Variants in GPR149 observed in about 807,000 individuals in gnomAD.
GPR149 encodes probable G protein-coupled receptor 149.
Under a neutral mutation model 50.2 loss-of-function variants are expected in GPR149, and 50 were observed. The ratio of observed to expected loss-of-function variants is 1.00; its 90% CI spans 0.79 to 1.26. The LOEUF is 1.26. GPR149 is among the 50% of genes most tolerant of loss of function. The pLI is 0.00. For missense variants in GPR149, 983 were observed against 895.4 expected (o/e 1.10, Z -1.25); for synonymous variants, 405 against 358.2 (o/e 1.13, Z -1.48).
At chr3:154,420,049 A>C (rs572793226) in intron 3 of GPR149, among the ~76,000 whole-genome samples, 4 of 152,148 alleles carry the variant, frequency 2.6e-5, no homozygotes, top group African/African-American at 9.6e-5. Context: ...AGTTTTATTT[A>C]ATCAATGAGA....
intron 3 of GPR149, among the ~76,000 whole-genome samples, chr3:154,345,350 ATAT>A (rs1713902519): frequency 6.6e-6 from 1 of 152,234 alleles, no homozygotes; most frequent in Non-Finnish European, 1.5e-5. Flanking sequence ...TGAAAATAAA[ATAT>A]TATGGCACTG....
At chr3:154,349,207 A>G (rs1714007630) in intron 3 of GPR149, among the ~76,000 whole-genome samples, 1 of 152,208 alleles carries the variant, frequency 6.6e-6, no homozygotes, top group African/African-American at 2.4e-5. Context: ...TAATCTGGAA[A>G]AAGAAGAGCA....
chr3:154,373,309 C>T (rs1252791144), intron 3 of GPR149, among the ~76,000 whole-genome samples: 1 of 152,068 alleles, frequency 6.6e-6, no homozygotes, highest in Non-Finnish European at 1.5e-5. Flanking sequence ...GCTCATTGAT[C>T]CCTGGAAGAG....
Position 154,337,893 on chromosome 3 carries a change from C to T in GPR149, c.2002G>A (p.Glu668Lys). The T allele has an allele frequency of 6.2e-7, 1 of 1,613,142 alleles. No individual in the cohort carries two copies. The highest frequency in any genetic ancestry group is 8.5e-7 in the Non-Finnish European group (1 of 1,179,578). The change falls in exon 4 of 4, where the codon GAA (glutamate) becomes AAA (lysine). Residue 668 changes from glutamate (E) to lysine (K), a missense_variant. Transcript: ENST00000389740. Reference sequence around the variant, plus strand: ...AAAAAGAGGGAGTATGAGGCTGTTTCCCCTAGGTCACATGAAACAAATCTG... The same window carrying T: ...AAAAAGAGGGAGTATGAGGCTGTTTTCCCTAGGTCACATGAAACAAATCTG... ...ENRFVSCDLG[E>K]TASYSLFLPT...
At chr3:154,384,853 C>T (rs1032124423) in intron 3 of GPR149, among the ~76,000 whole-genome samples, 2 of 152,172 alleles carry the variant, frequency 1.3e-5, no homozygotes, top group Admixed American at 1.3e-4. Context: ...CTGTTTTTGG[C>T]TATGGCACAA....
intron 3 of GPR149, among the ~76,000 whole-genome samples, chr3:154,396,601 T>C (rs1715299323): frequency 6.6e-6 from 1 of 152,008 alleles, no homozygotes; most frequent in Non-Finnish European, 1.5e-5. Context: ...TAAATTATAA[T>C]ATATCTAAAT....
At chr3:154,399,140 AT>A (rs60274074) in intron 3 of GPR149, among the ~76,000 whole-genome samples, 7,802 of 151,402 alleles carry the variant, frequency 0.052, 658 homozygotes, top group African/African-American at 0.17. Context: ...TGGTATTAGT[AT>A]TTTTTTTTAA....
At chr3:154,394,677 T>C (rs967609555) in intron 3 of GPR149, among the ~76,000 whole-genome samples, 2 of 152,082 alleles carry the variant, frequency 1.3e-5, no homozygotes, top group South Asian at 2.1e-4. Flanking sequence ...ACAGGTTAAT[T>C]TTCAGAATAT....
Position 154,421,259 on chromosome 3 carries a change from C to G in GPR149, c.1403G>C (p.Arg468Thr). ...AGTATTTGTGCATTTGTTGATGCCT[C>G]TTTGTGTGGAGCTGTCCAGAGAGGG... is the stretch of plus-strand genomic sequence containing the variant. Reference protein sequence around the residue: ...TTPSLDSSTQRGINKCTNTDI... With the variant: ...TTPSLDSSTQTGINKCTNTDI... Residue 468 changes from arginine to threonine, a missense_variant, in exon 3 of 4, where the codon AGA becomes ACA. Transcript: ENST00000389740. 6.2e-7 allele frequency: 1 copy of G among 1,613,358 alleles called. No individual in the cohort carries two copies. The highest frequency in any genetic ancestry group is 8.5e-7 in the Non-Finnish European group (1 of 1,179,534).
intron 3 of GPR149, among the ~76,000 whole-genome samples, chr3:154,408,678 G>T (rs1473314454): frequency 1.3e-5 from 2 of 152,178 alleles, no homozygotes; most frequent in Non-Finnish European, 2.9e-5. Context: ...GCTACAGCAA[G>T]CCCTGCCCAA....
intron 3 of GPR149, among the ~76,000 whole-genome samples, chr3:154,402,716 G>A (rs553123701): frequency 2.3e-4 from 34 of 149,688 alleles, no homozygotes; most frequent in Non-Finnish European, 4.6e-4. Flanking sequence ...TCTGTGGTCT[G>A]TAAGTGCGTT....
At chr3:154,421,508 C>A in intron 2 of GPR149, 21 bp from the exon 3 acceptor site, 1 of 1,320,660 alleles carries the variant, frequency 7.6e-7, no homozygotes, top group Non-Finnish European at 1.0e-6. Flanking sequence ...ATAAAAACAA[C>A]AGTTTATGGC....
chr3:154,380,708 T>C (rs1213929612), intron 3 of GPR149, among the ~76,000 whole-genome samples: 1 of 36,414 alleles, frequency 2.7e-5, no homozygotes, highest in Non-Finnish European at 9.7e-5. Flanking sequence ...ATTATTCATA[T>C]AGAGTTTTTT....
chr3:154,423,849 AT>A (rs1165926350), intron 2 of GPR149, among the ~76,000 whole-genome samples: 1 of 151,514 alleles, frequency 6.6e-6, no homozygotes, highest in Admixed American at 6.6e-5. Context: ...TATTATTATT[AT>A]TTTTTATTAT....
chr3:154,427,161 G>C (rs891389766), intron 2 of GPR149, among the ~76,000 whole-genome samples: 5 of 152,040 alleles, frequency 3.3e-5, no homozygotes, highest in Non-Finnish European at 7.4e-5. Context: ...TTCTAGACTT[G>C]GGAGGGGAAT....
Position 154,337,609 on chromosome 3 carries a change from A to T in GPR149, c.*90T>A, listed in dbSNP as rs1255551288. ...ATCAGTAAAACTAATGTAAGCCAAC[A>T]AATAAAAGGAAATCAGTCTCATAAC... On this transcript the variant is annotated 3_prime_UTR_variant, in exon 4 of 4. Transcript: ENST00000389740. 5.7e-6 allele frequency: 6 copies of T among 1,061,362 alleles called. No homozygotes were observed. Among genetic ancestry groups the T allele is most frequent in the Non-Finnish European group, 8.1e-6 (6 of 741,798 alleles). The allele number at this position is 1,061,362 out of a possible 1,614,324, so 65.7% of individuals were successfully genotyped here.
intron 3 of GPR149, among the ~76,000 whole-genome samples, chr3:154,346,959 C>G (rs1713944561): frequency 6.6e-6 from 1 of 152,098 alleles, no homozygotes. Flanking sequence ...GGATTGATAT[C>G]CATCCCCCAA....
chr3:154,359,373 A>G (rs1164217561), intron 3 of GPR149, among the ~76,000 whole-genome samples: 2 of 152,176 alleles, frequency 1.3e-5, no homozygotes, highest in African/African-American at 4.8e-5. Flanking sequence ...GGAAAAAGCA[A>G]TGGCCATAAC....
At chr3:154,339,414 T>A (rs559355044) in intron 3 of GPR149, among the ~76,000 whole-genome samples, 2 of 152,348 alleles carry the variant, frequency 1.3e-5, no homozygotes, top group South Asian at 2.1e-4. Flanking sequence ...TTACCACTTG[T>A]AAAACCTACA....
Sources: gnomAD v4.1 joint callset for allele counts (sites outside exome capture counted in the v4.1 genomes callset) on GRCh38, gnomAD v4.1.1 for gene constraint, MANE v1.5 for transcripts, NCBI Gene and HGNC (gene_info 2026-07-23, HGNC 2026-07-21) for gene names.